C1orf87: variants seen among roughly 807,000 people sequenced by gnomAD.
The protein encoded by C1orf87 is chromosome 1 open reading frame 87.
Under a neutral mutation model 60.5 loss-of-function variants are expected in C1orf87, and 58 were observed. That is an observed-to-expected ratio of 0.96 (90% CI 0.78 to 1.19). C1orf87 has a LOEUF of 1.19. Among genes scored for constraint, C1orf87 ranks in the 50% most tolerant of loss-of-function variants. C1orf87 has a pLI of 0.00. For synonymous variants in C1orf87, 236 were observed against 227.4 expected (o/e 1.04, Z -0.34); for missense variants, 673 against 638.6 (o/e 1.05, Z -0.58).
chr1:60,045,951 T>C, intron 3 of C1orf87, among the ~76,000 whole-genome samples: 1 of 152,240 alleles, frequency 6.6e-6, no homozygotes, highest in East Asian at 1.9e-4. Flanking sequence ...TCTTCAAATG[T>C]CTCATCAGTG....
chr1:60,056,616 C>T (rs1414376000), intron 2 of C1orf87, among the ~76,000 whole-genome samples: 1 of 152,092 alleles, frequency 6.6e-6, no homozygotes, highest in African/African-American at 2.4e-5. Flanking sequence ...AACGTGTGTG[C>T]CTATTCCATG....
At position 60,019,080 on chromosome 1, in the gene C1orf87, A is replaced by G. The variant is rs76629245; in HGVS notation, c.1127+6321T>C. On this transcript the variant is annotated intron_variant, in intron 8 of 11. Transcript: ENST00000371201. ...TTTACTGTGTACCTATCATGTGCCA[A>G]TGATATGGTTTGGCTCTGTGTCCCC... Among the ~76,000 whole-genome samples the G allele has an allele frequency of 2.2e-4, 34 of 152,308 alleles. No individual in the cohort carries two copies. In the East Asian group the frequency reaches 6.6e-3, roughly 29 times the overall value.
intron 11 of C1orf87, among the ~76,000 whole-genome samples, chr1:59,992,161 C>T (rs1304428964): frequency 6.6e-6 from 1 of 151,944 alleles, no homozygotes; most frequent in Non-Finnish European, 1.5e-5. Flanking sequence ...CTCTTGATTG[C>T]CTAAGGTTAA....
rs1476462816 is a variant in C1orf87 at position 60,033,661 on chromosome 1, G to T, written c.864-20C>A. 6.2e-7 allele frequency: 1 copy of T among 1,605,578 alleles called. No homozygotes were observed. On this transcript the variant is annotated intron_variant, in intron 6 of 11. Coordinates refer to ENST00000371201, the MANE Select transcript of C1orf87 (RefSeq NM_152377.3). Reference sequence around the variant, plus strand: ...GGAGTGCTGATTGTAGGGGAAATGGGGAAGGCTATGAAAAGGTTATCCACC... The same window carrying T: ...GGAGTGCTGATTGTAGGGGAAATGGTGAAGGCTATGAAAAGGTTATCCACC...
chr1:60,035,479 ACAT>A (rs1246812979), intron 6 of C1orf87, among the ~76,000 whole-genome samples: 2 of 152,218 alleles, frequency 1.3e-5, no homozygotes, highest in Non-Finnish European at 2.9e-5. Flanking sequence ...ACCTTTTAAA[ACAT>A]CACAGAGCTA....
chr1:60,064,673 A>AT (rs1645524872), intron 2 of C1orf87, among the ~76,000 whole-genome samples: 2 of 108,370 alleles, frequency 1.8e-5, no homozygotes, highest in Non-Finnish European at 3.5e-5. Flanking sequence ...ATAATTATAT[A>AT]TAAATATATA....
At position 60,025,384 on chromosome 1, in the gene C1orf87, A is replaced by C. The variant is rs1265740683; in HGVS notation, c.1127+17T>G. On this transcript the variant is annotated intron_variant, in intron 8 of 11. Transcript: ENST00000371201. ...TGGTGGATACAAACATTCAGTTCTT[A>C]ATAAGAGTTGACTTACTTTATTTCA... The C allele has an allele frequency of 6.3e-7, 1 of 1,583,330 alleles. No individual in the cohort carries two copies. The highest frequency in any genetic ancestry group is 8.7e-7 in the Non-Finnish European group (1 of 1,154,030).
At chr1:60,058,384 T>A (rs765723441) in intron 2 of C1orf87, among the ~76,000 whole-genome samples, 1 of 152,190 alleles carries the variant, frequency 6.6e-6, no homozygotes, top group Non-Finnish European at 1.5e-5. Context: ...CTCTATAAAG[T>A]ATTAAATTGG....
rs1207097991 is a variant in C1orf87, at chr1:59,990,444, G to C, written c.*229C>G. 3 of 340,170 alleles carry C rather than the reference G, an allele frequency of 8.8e-6. No individual in the cohort carries two copies. The highest frequency in any genetic ancestry group is 4.2e-5 in the African/African-American group (2 of 47,440). The allele number at this position is 340,170 out of a possible 1,614,324, so 21.1% of individuals were successfully genotyped here. On this transcript the variant is annotated 3_prime_UTR_variant, in exon 12 of 12. Transcript: ENST00000371201. ...AACAGAAGGAGATTCTAAGTAGCTG[G>C]GTTCTTGCCACATCAAAAGATAAAA...
intron 9 of C1orf87, among the ~76,000 whole-genome samples, chr1:60,004,127 GT>G (rs1196445273): frequency 6.6e-6 from 1 of 152,024 alleles, no homozygotes; most frequent in East Asian, 1.9e-4. Flanking sequence ...CAGCTCTCCT[GT>G]TAAAGGGATT....
At chr1:60,010,550 A>G in intron 8 of C1orf87, 94 bp from the exon 9 acceptor site, 1 of 1,095,258 alleles carries the variant, frequency 9.1e-7, no homozygotes, top group East Asian at 2.4e-5. Context: ...GTGATATTGA[A>G]TAAGCTTTTT....
chr1:60,035,466 G>T (rs1221743495), intron 6 of C1orf87, among the ~76,000 whole-genome samples: 2 of 152,146 alleles, frequency 1.3e-5, no homozygotes, highest in African/African-American at 4.8e-5. Context: ...TGGCAATGCT[G>T]GAACCTTTTA....
At chr1:60,060,611 A>G (rs1284286408) in intron 2 of C1orf87, among the ~76,000 whole-genome samples, 1 of 152,186 alleles carries the variant, frequency 6.6e-6, no homozygotes, top group African/African-American at 2.4e-5. Context: ...AATAGATAAA[A>G]AGAGAGATAA....
At chr1:60,060,892 AC>A (rs1340017947) in intron 2 of C1orf87, among the ~76,000 whole-genome samples, 2 of 152,170 alleles carry the variant, frequency 1.3e-5, no homozygotes, top group African/African-American at 4.8e-5. Context: ...AAATCTGGGA[AC>A]CAATCTTTAA....
At chr1:60,071,442 C>A (rs1386477158) in intron 2 of C1orf87, among the ~76,000 whole-genome samples, 2 of 152,192 alleles carry the variant, frequency 1.3e-5, no homozygotes, top group African/African-American at 4.8e-5. Flanking sequence ...CAATTTCACA[C>A]CTCTCAGCAC....
At position 60,010,296 on chromosome 1, in the gene C1orf87, A is replaced by C. The variant is rs867908787; in HGVS notation, c.1192+96T>G. 5 of 1,123,242 alleles carry C rather than the reference A, an allele frequency of 4.5e-6. No individual in the cohort carries two copies. The South Asian group carries it at 5.5e-5, about 12-fold the overall frequency. The allele number at this position is 1,123,242 out of a possible 1,614,324, so 69.6% of individuals were successfully genotyped here. A position where few individuals can be genotyped will look rare whatever the true frequency, so the allele number is the denominator to read the frequency against. On this transcript the variant is annotated intron_variant, in intron 9 of 11. Coordinates refer to ENST00000371201, the MANE Select transcript of C1orf87 (RefSeq NM_152377.3). ...TACATTTCTGAGAGAAATGAGATGA[A>C]ACCCAACAAGCAAACCACTCAAACT...
intron 2 of C1orf87, among the ~76,000 whole-genome samples, chr1:60,062,426 T>C (rs1451274671): frequency 6.6e-6 from 1 of 152,192 alleles, no homozygotes; most frequent in East Asian, 1.9e-4. Flanking sequence ...CATATACTTT[T>C]AAGGCTTTCA....
chr1:60,067,881 T>C (rs970837787), intron 2 of C1orf87, among the ~76,000 whole-genome samples: 1 of 152,146 alleles, frequency 6.6e-6, no homozygotes, highest in African/African-American at 2.4e-5. Context: ...CTTTAATCCA[T>C]CTTGAGTTAA....
At chr1:60,057,555 A>G (rs1381377004) in intron 2 of C1orf87, among the ~76,000 whole-genome samples, 2 of 152,222 alleles carry the variant, frequency 1.3e-5, no homozygotes. Flanking sequence ...TTGATGATAT[A>G]AGATGAACCT....
Sources: gnomAD v4.1 joint callset for allele counts (sites outside exome capture counted in the v4.1 genomes callset) on GRCh38, gnomAD v4.1.1 for gene constraint, MANE v1.5 for transcripts, NCBI Gene and HGNC (gene_info 2026-07-23, HGNC 2026-07-21) for gene names.